WDR44: variants seen among roughly 807,000 people sequenced by gnomAD.
The protein encoded by WDR44 is WD repeat-containing protein 44.
In WDR44, 9 loss-of-function variants were observed where a neutral mutation model predicts 65.7. The ratio of observed to expected loss-of-function variants is 0.14; its 90% CI spans 0.08 to 0.24. The LOEUF is 0.24. Among genes scored for constraint, WDR44 ranks in the 10% least tolerant of loss-of-function variants. The probability of loss-of-function intolerance (pLI) is 1.00; values close to 1 mark genes in which losing one functional copy is unlikely to be tolerated. For missense variants in WDR44, 425 were observed against 670.9 expected, an observed-to-expected ratio of 0.63 and a Z score of 4.05; for synonymous variants, 220 against 235.2, an observed-to-expected ratio of 0.94 and a Z score of 0.59.
At chrX:118,409,439 G>A (rs2056994955) in intron 10 of WDR44, 50 bp from the exon 11 acceptor site, 1 of 1,173,013 alleles carries the variant, frequency 8.5e-7, no homozygotes, top group Non-Finnish European at 1.1e-6. Context: ...CAAAAGTAAA[G>A]TCTCTAAAGG....
intron 18 of WDR44, 91 bp from the exon 19 acceptor site, chrX:118,444,269 G>T: frequency 9.7e-7 from 1 of 1,026,942 alleles, no homozygotes; most frequent in Non-Finnish European, 1.3e-6. Flanking sequence ...TTCTATGTTA[G>T]TTTTTAAGGA....
chrX:118,439,440 G>A lies in WDR44; in HGVS notation c.1975-1928G>A, dbSNP rs1247586524. 4.6e-5 allele frequency among the ~76,000 whole-genome samples: 5 copies of A among 109,396 alleles called. No individual in the cohort carries two copies. In the East Asian group the frequency reaches 1.5e-3, roughly 32 times the overall value. 95.0% of individuals were successfully genotyped at this position (109,396 alleles called of 115,157 possible). The stretch of plus-strand genomic sequence containing the variant: ...AAAATACAAAAATTAGCCGGCCGTC[G>A]TGTTGCATGCCTATAATCCCAGCTA... On this transcript the variant is annotated intron_variant, in intron 14 of 19. Coordinates refer to ENST00000254029, the MANE Select transcript of WDR44 (RefSeq NM_019045.5).
chrX:118,355,748 G>C (rs1464535933), intron 1 of WDR44, among the ~76,000 whole-genome samples: 4 of 111,119 alleles, frequency 3.6e-5, no homozygotes, highest in African/African-American at 1.3e-4. Context: ...ATGCTCTGTG[G>C]TATCTACTGC....
chrX:118,369,357 G>A (rs762099241), intron 1 of WDR44, among the ~76,000 whole-genome samples: 3 of 107,751 alleles, frequency 2.8e-5, no homozygotes. Context: ...GTTTTTGGTA[G>A]AGACGGGGTT....
chrX:118,447,635 C>T lies in WDR44; in HGVS notation c.2648-1258C>T, dbSNP rs2057356802. On this transcript the variant is annotated intron_variant, in intron 19 of 19. Coordinates refer to ENST00000254029, the MANE Select transcript of WDR44 (RefSeq NM_019045.5). ...GCATGGTGGCTCATGCCTGTAACCC[C>T]AACATTTTGGGAGGCCAAGGCAGGA... is the stretch of plus-strand genomic sequence containing the variant. Among the ~76,000 whole-genome samples the T allele has an allele frequency of 5.5e-5, 6 of 110,067 alleles. No individual in the cohort carries two copies. In the Admixed American group the frequency reaches 5.9e-4, roughly 11 times the overall value.
intron 1 of WDR44, among the ~76,000 whole-genome samples, chrX:118,366,823 C>T (rs1172949844): frequency 8.9e-6 from 1 of 111,934 alleles, no homozygotes; most frequent in Non-Finnish European, 1.9e-5. Flanking sequence ...TTCGGCCGGG[C>T]GCAGTGGCTC....
At chrX:118,448,525 G>A (rs1006883456) in intron 19 of WDR44, among the ~76,000 whole-genome samples, 14 of 111,741 alleles carry the variant, frequency 1.3e-4, no homozygotes, top group Non-Finnish European at 2.4e-4. Context: ...CAGCTGATCC[G>A]ATTCTGCCAG....
chrX:118,427,767 T>G (rs1294267030), intron 12 of WDR44, among the ~76,000 whole-genome samples: 2 of 101,842 alleles, frequency 2.0e-5, no homozygotes, highest in African/African-American at 7.2e-5. Context: ...CTCTGCCTCC[T>G]GGGTTCACGC....
chrX:118,385,605 A>G (rs959138159), intron 2 of WDR44, among the ~76,000 whole-genome samples: 2 of 111,225 alleles, frequency 1.8e-5, no homozygotes, highest in East Asian at 5.6e-4. Flanking sequence ...AAACCCCATG[A>G]CACAAGTTTA....
intron 1 of WDR44, among the ~76,000 whole-genome samples, chrX:118,378,196 G>A (rs1327626739): frequency 3.6e-5 from 4 of 111,366 alleles, no homozygotes; most frequent in African/African-American, 9.8e-5. Flanking sequence ...CAGGTGATCC[G>A]CCTGCCTCAG....
chrX:118,428,940 A>G (rs770825586), intron 12 of WDR44, among the ~76,000 whole-genome samples: 8 of 111,552 alleles, frequency 7.2e-5, no homozygotes, highest in African/African-American at 2.0e-4. Flanking sequence ...TCCTCAACAA[A>G]CTAATGCAGG....
intron 3 of WDR44, among the ~76,000 whole-genome samples, chrX:118,391,249 A>G (rs2056817675): frequency 9.0e-6 from 1 of 111,690 alleles, no homozygotes; most frequent in Admixed American, 9.6e-5. Flanking sequence ...TTCAATCTCA[A>G]ATCCATTGTA....
At position 118,395,415 on chromosome X, in the gene WDR44, G is replaced by A. The variant is rs920017010; in HGVS notation, c.1053+71G>A. On this transcript the variant is annotated intron_variant, in intron 6 of 19. Transcript: ENST00000254029. ...AAAAACATAATGGGAAGATGAAAACGTTCTGGAGATGGATGGTAATGATGG... is the reference window on the plus strand; with the variant it reads ...AAAAACATAATGGGAAGATGAAAACATTCTGGAGATGGATGGTAATGATGG... 6.1e-4 allele frequency: 536 copies of A among 876,931 alleles called. 1 individual carries two copies. The highest frequency in any genetic ancestry group is 3.1e-4 in the Non-Finnish European group (189 of 613,974). The allele number at this position is 876,931 out of a possible 1,213,427, so 72.3% of individuals were successfully genotyped here.
intron 1 of WDR44, among the ~76,000 whole-genome samples, chrX:118,352,058 TA>T (rs2056409069): frequency 9.1e-6 from 1 of 109,410 alleles, no homozygotes; most frequent in Non-Finnish European, 1.9e-5. Context: ...TGAATCTGTA[TA>T]AACTCCTGTA....
At chrX:118,377,971 T>G (rs1224957394) in intron 1 of WDR44, among the ~76,000 whole-genome samples, 1 of 110,297 alleles carries the variant, frequency 9.1e-6, no homozygotes, top group Non-Finnish European at 1.9e-5. Context: ...TTCTTTTTCT[T>G]TTTGAGATGG....
At chrX:118,444,979 T>A (rs946958429) in intron 19 of WDR44, 1 of 329,080 alleles carries the variant, frequency 3.0e-6, no homozygotes, top group African/African-American at 2.7e-5. Flanking sequence ...TTTACCTGTT[T>A]TAAATTCACC....
intron 2 of WDR44, among the ~76,000 whole-genome samples, chrX:118,379,687 G>C (rs1166773813): frequency 4.5e-5 from 5 of 111,490 alleles, no homozygotes; most frequent in Non-Finnish European, 9.4e-5. Flanking sequence ...AATGGAGAAG[G>C]ATACACAAGA....
chrX:118,353,325 G>GT (rs1433973454), intron 1 of WDR44, among the ~76,000 whole-genome samples: 1 of 111,781 alleles, frequency 8.9e-6, no homozygotes, highest in African/African-American at 3.3e-5. Flanking sequence ...CAACCCTGAT[G>GT]TTTTTCCTCA....
chrX:118,375,546 C>A (rs1602886245), intron 1 of WDR44, among the ~76,000 whole-genome samples: 1 of 106,425 alleles, frequency 9.4e-6, no homozygotes, highest in South Asian at 4.0e-4. Context: ...ACAGGTTTTT[C>A]ATTTTTGCTT....
Sources: allele counts gnomAD v4.1 joint callset (sites outside exome capture counted in the v4.1 genomes callset), GRCh38; gene constraint gnomAD v4.1.1; transcripts MANE v1.5; gene names NCBI Gene and HGNC (gene_info 2026-07-23, HGNC 2026-07-21).